Variants in CTNNA2 observed in about 807,000 individuals in gnomAD.
The protein encoded by CTNNA2 is catenin alpha 2.
Under a neutral mutation model 101.0 loss-of-function variants are expected in CTNNA2, and 42 were observed. That is an observed-to-expected ratio of 0.42 (90% CI 0.32 to 0.54). The LOEUF (loss-of-function observed/expected upper bound fraction) is 0.54, where lower values mean the gene tolerates loss of function less well. CTNNA2 is among the 20% of genes least tolerant of loss of function. The pLI, the probability that CTNNA2 is intolerant of heterozygous loss-of-function variation, is 0.14. For missense variants in CTNNA2, 871 were observed against 1,223.1 expected, an observed-to-expected ratio of 0.71 and a Z score of 4.29; for synonymous variants, 450 against 456.4, an observed-to-expected ratio of 0.99 and a Z score of 0.18.
chr2:79,253,370 G>A (rs547937439), intron 2 of CTNNA2, among the ~76,000 whole-genome samples: 32 of 152,318 alleles, frequency 2.1e-4, no homozygotes, highest in African/African-American at 7.7e-4. Context: ...CTACTAATTA[G>A]CATGGACAAA....
intron 7 of CTNNA2, among the ~76,000 whole-genome samples, chr2:79,996,598 C>A (rs1692561166): frequency 6.6e-6 from 1 of 152,080 alleles, no homozygotes; most frequent in African/African-American, 2.4e-5. Flanking sequence ...TTTTTTGAGT[C>A]ACTGTAGAGC....
chr2:79,800,559 T>C (rs943678882), intron 3 of CTNNA2, among the ~76,000 whole-genome samples: 2 of 152,176 alleles, frequency 1.3e-5, no homozygotes, highest in African/African-American at 4.8e-5. Context: ...TTGTGGAAGA[T>C]GACCGGTGTC....
Position 80,080,840 on chromosome 2 carries a change from A to G in CTNNA2, c.1056+171043A>G, listed in dbSNP as rs146142423. On this transcript the variant is annotated intron_variant, in intron 7 of 18. Transcript: ENST00000402739. ...TATTTTAAAGTCTAGTCTCTAGTAT[A>G]TATCAAGCTGTATTATAATTAAAAT... Among the ~76,000 whole-genome samples the G allele has an allele frequency of 7.6e-4, 115 of 151,798 alleles. No individual in the cohort carries two copies. In the East Asian group the frequency reaches 0.021, roughly 28 times the overall value.
At chr2:79,938,118 C>T (rs1385773224) in intron 7 of CTNNA2, among the ~76,000 whole-genome samples, 1 of 152,112 alleles carries the variant, frequency 6.6e-6, no homozygotes, top group Non-Finnish European at 1.5e-5. Context: ...ATGGCAGTGC[C>T]CTCAAATCTG....
chr2:79,199,264 C>G (rs1320412798), intron 2 of CTNNA2, among the ~76,000 whole-genome samples: 1 of 152,148 alleles, frequency 6.6e-6, no homozygotes, highest in Non-Finnish European at 1.5e-5. Flanking sequence ...CCTGCACCAC[C>G]CCTCTCTACT....
intron 3 of CTNNA2, among the ~76,000 whole-genome samples, chr2:79,829,557 G>A (rs1021294432): frequency 2.7e-5 from 4 of 150,778 alleles, no homozygotes; most frequent in African/African-American, 9.7e-5. Context: ...GTGACAGAGC[G>A]AGACTCCATC....
At chr2:79,537,709 C>T (rs1390347261) in intron 1 of CTNNA2, among the ~76,000 whole-genome samples, 1 of 152,000 alleles carries the variant, frequency 6.6e-6, no homozygotes, top group Non-Finnish European at 1.5e-5. Context: ...CCACTTTTAC[C>T]TTTAGACCAT....
At chr2:79,288,201 C>T (rs1433492350) in intron 2 of CTNNA2, among the ~76,000 whole-genome samples, 2 of 152,238 alleles carry the variant, frequency 1.3e-5, no homozygotes, top group Admixed American at 1.3e-4. Flanking sequence ...CAGAAATCAC[C>T]CATCTTCTGC....
Position 80,591,457 on chromosome 2 carries a change from G to GTTTTTTTTT in CTNNA2, c.2189+1985_2189+1993dup, listed in dbSNP as rs567131551. Among the ~76,000 whole-genome samples the GTTTTTTTTT allele has an allele frequency of 4.9e-3, 345 of 70,288 alleles. 42 individuals are homozygous for GTTTTTTTTT. Among genetic ancestry groups the GTTTTTTTTT allele is most frequent in the African/African-American group, 0.015 (321 of 21,910 alleles). 46.1% of individuals were successfully genotyped at this position (70,288 alleles called of 152,430 possible). A position where few individuals can be genotyped will look rare whatever the true frequency, so the allele number is the denominator to read the frequency against. On this transcript the variant is annotated intron_variant, in intron 15 of 18. Coordinates refer to ENST00000402739, the MANE Select transcript of CTNNA2 (RefSeq NM_001282597.3). Reference sequence around the variant, plus strand: ...ATTGCTGCCTCCATCTGCACAGCCTGTTTTTTTTTTTTTTTTTTTTTGCAA... The same window carrying GTTTTTTTTT: ...ATTGCTGCCTCCATCTGCACAGCCTGTTTTTTTTTTTTTTTTTTTTTTTTTTTTTTGCAA...
intron 4 of CTNNA2, among the ~76,000 whole-genome samples, chr2:79,867,489 G>T (rs571918010): frequency 1.5e-3 from 224 of 151,810 alleles, no homozygotes; most frequent in African/African-American, 5.2e-3. Flanking sequence ...TATTTCTGTG[G>T]GACCTTGGAC....
chr2:79,967,504 A>C (rs1690159055), intron 7 of CTNNA2, among the ~76,000 whole-genome samples: 1 of 152,130 alleles, frequency 6.6e-6, no homozygotes, highest in Admixed American at 6.5e-5. Flanking sequence ...AATTCTCCAA[A>C]TAGTAGCTAG....
rs189051024 is a variant in CTNNA2 at position 80,250,638 on chromosome 2, G to A, written c.1057-142573G>A. On this transcript the variant is annotated intron_variant, in intron 7 of 18. Transcript: ENST00000402739. ...CTGGATCTGATGCTATGGGCCAGTG[G>A]AGAGGTTAGTAAGTGTCATTCCATT... 4.1e-3 allele frequency among the ~76,000 whole-genome samples: 628 copies of A among 152,238 alleles called. 5 individuals carry two copies. Among genetic ancestry groups the A allele is most frequent in the Non-Finnish European group, 6.5e-3 (444 of 67,998 alleles).
intron 7 of CTNNA2, among the ~76,000 whole-genome samples, chr2:79,919,810 G>GATT (rs1200577440): frequency 2.6e-5 from 4 of 152,118 alleles, no homozygotes; most frequent in African/African-American, 9.7e-5. Flanking sequence ...GGTTCAATGC[G>GATT]GCCTTGAACT....
chr2:80,309,579 G>A (rs2149223849), intron 7 of CTNNA2, among the ~76,000 whole-genome samples: 1 of 152,328 alleles, frequency 6.6e-6, no homozygotes, highest in Admixed American at 6.5e-5. Context: ...TTCTTGGTCA[G>A]TGAAATAGGG....
intron 2 of CTNNA2, among the ~76,000 whole-genome samples, chr2:79,211,532 C>A (rs761533324): frequency 2.6e-5 from 4 of 151,976 alleles, no homozygotes; most frequent in Admixed American, 2.0e-4. Flanking sequence ...TGTTCTCTGG[C>A]GGGCAGGAGT....
At chr2:80,379,997 T>C (rs900902056) in intron 7 of CTNNA2, among the ~76,000 whole-genome samples, 1 of 151,664 alleles carries the variant, frequency 6.6e-6, no homozygotes, top group Non-Finnish European at 1.5e-5. Flanking sequence ...TTAGCAGCCA[T>C]TCATCAATGT....
At chr2:79,820,257 A>G (rs2105376124) in intron 3 of CTNNA2, among the ~76,000 whole-genome samples, 1 of 152,294 alleles carries the variant, frequency 6.6e-6, no homozygotes, top group Middle Eastern at 3.4e-3. Flanking sequence ...TTGTTAGTGC[A>G]TCTTCTATTA....
intron 4 of CTNNA2, among the ~76,000 whole-genome samples, chr2:79,412,160 A>G (rs950917258): frequency 2.0e-5 from 3 of 152,180 alleles, no homozygotes; most frequent in Non-Finnish European, 2.9e-5. Flanking sequence ...GCCATTACAG[A>G]ATGGTAAAGG....
intron 7 of CTNNA2, among the ~76,000 whole-genome samples, chr2:80,050,001 C>T (rs894366160): frequency 1.3e-5 from 2 of 152,098 alleles, no homozygotes; most frequent in Admixed American, 1.3e-4. Flanking sequence ...AGCGATGTCT[C>T]TCCTGCCGTG....
Sources: gnomAD v4.1 joint callset for allele counts (sites outside exome capture counted in the v4.1 genomes callset) on GRCh38, gnomAD v4.1.1 for gene constraint, MANE v1.5 for transcripts, NCBI Gene and HGNC (gene_info 2026-07-23, HGNC 2026-07-21) for gene names.